The following DLGAP2 variants were observed in gnomAD, a reference collection of about 807,000 sequenced individuals.
DLGAP2 encodes the protein DLG associated protein 2.
In DLGAP2, 26 loss-of-function variants were observed where a neutral mutation model predicts 100.3. The ratio of observed to expected loss-of-function variants is 0.26; its 90% CI spans 0.19 to 0.36. DLGAP2 has a LOEUF of 0.36. DLGAP2 is among the 10% of genes least tolerant of loss of function. The pLI is 1.00. For missense variants in DLGAP2, 1,858 were observed against 1,453.2 expected (o/e 1.28, Z -4.53); for synonymous variants, 886 against 630.1 (o/e 1.41, Z -6.08).
intron 2 of DLGAP2, among the ~76,000 whole-genome samples, chr8:1,108,806 T>C (rs1409591874): frequency 4.2e-5 from 5 of 118,084 alleles, no homozygotes; most frequent in East Asian, 5.9e-4. Flanking sequence ...GAGGTGTGAA[T>C]GTGTCTATGA....
intron 12 of DLGAP2, among the ~76,000 whole-genome samples, chr8:1,689,556 G>GGCTA (rs1482742341): frequency 4.6e-5 from 7 of 152,198 alleles, no homozygotes; most frequent in Admixed American, 6.5e-5. Flanking sequence ...AGAAAGGGCT[G>GGCTA]GGCTAGTTAA....
intron 2 of DLGAP2, among the ~76,000 whole-genome samples, chr8:1,113,396 C>A (rs952501467): frequency 5.4e-4 from 82 of 152,282 alleles, no homozygotes; most frequent in African/African-American, 1.9e-3. Context: ...TGGTAATTCT[C>A]ATTGAAGAGA....
chr8:1,061,480 T>C (rs17065655), intron 2 of DLGAP2, among the ~76,000 whole-genome samples: 9,332 of 152,146 alleles, frequency 0.061, 895 homozygotes, highest in African/African-American at 0.21. Flanking sequence ...GCCCATGAGC[T>C]GTGGAAGGAT....
intron 3 of DLGAP2, among the ~76,000 whole-genome samples, chr8:1,413,148 A>T (rs1313271756): frequency 2.0e-5 from 3 of 151,966 alleles, no homozygotes; most frequent in Non-Finnish European, 4.4e-5. Context: ...TGTGTTTTCT[A>T]CTGGACAGTG....
rs1047367477 is a variant in DLGAP2 at position 1,704,243 on chromosome 8, G to A, written c.*2837G>A. On this transcript the variant is annotated 3_prime_UTR_variant, in exon 15 of 15. Coordinates refer to ENST00000637795, the MANE Select transcript of DLGAP2 (RefSeq NM_001346810.2). ...AGAGTAAACATCCATTGGAGAACAC[G>A]GCTGAAAATTATTGTGCTGTTCTAG... 26 of 152,318 alleles carry A rather than the reference G, an allele frequency of 1.7e-4. No individual in the cohort carries two copies. The highest frequency in any genetic ancestry group is 2.2e-4 in the Non-Finnish European group (15 of 68,020). 9.4% of individuals were successfully genotyped at this position (152,318 alleles called of 1,614,324 possible).
rs118162673 is a variant in DLGAP2 at position 805,287 on chromosome 8, A to G, written c.18+67462A>G. On this transcript the variant is annotated intron_variant, in intron 1 of 14. Coordinates refer to ENST00000637795, the MANE Select transcript of DLGAP2 (RefSeq NM_001346810.2). Reference sequence around the variant, plus strand: ...CTCCATGACCATATATCCTTCCTAAATTATTTCATTTCTTCTGGATGGTTT... The same window carrying G: ...CTCCATGACCATATATCCTTCCTAAGTTATTTCATTTCTTCTGGATGGTTT... 4.5e-3 allele frequency among the ~76,000 whole-genome samples: 687 copies of G among 152,204 alleles called. 1 individual carries two copies. The highest frequency in any genetic ancestry group is 7.3e-3 in the Non-Finnish European group (499 of 68,010).
At chr8:1,079,684 G>A (rs1384161208) in intron 2 of DLGAP2, among the ~76,000 whole-genome samples, 1 of 152,192 alleles carries the variant, frequency 6.6e-6, no homozygotes, top group African/African-American at 2.4e-5. Flanking sequence ...ATTAAAATAT[G>A]ATTCATAGAT....
chr8:1,563,824 T>C (rs1470983221), intron 5 of DLGAP2, among the ~76,000 whole-genome samples: 5 of 152,154 alleles, frequency 3.3e-5, no homozygotes, highest in Non-Finnish European at 5.9e-5. Flanking sequence ...CGCAGATCCC[T>C]GCTGGTAGTG....
intron 6 of DLGAP2, among the ~76,000 whole-genome samples, chr8:1,573,651 G>A (rs1182654528): frequency 6.6e-6 from 1 of 152,106 alleles, no homozygotes; most frequent in Non-Finnish European, 1.5e-5. Flanking sequence ...CCAAATGCAG[G>A]TAAACTAACA....
At position 993,454 on chromosome 8, in the gene DLGAP2, C is replaced by T. The variant is rs867462008; in HGVS notation, c.73+85488C>T. 3.2e-4 allele frequency among the ~76,000 whole-genome samples: 16 copies of T among 50,650 alleles called. 3 individuals are homozygous for T. The highest frequency in any genetic ancestry group is 8.9e-4 in the East Asian group (2 of 2,244). 33.2% of individuals were successfully genotyped at this position (50,650 alleles called of 152,430 possible). ...CCCACCTTGCCCAGACCCCCTGCACCCCCATACTCGGAGTTCCTGTTCTTC... is the reference window on the plus strand; with the variant it reads ...CCCACCTTGCCCAGACCCCCTGCACTCCCATACTCGGAGTTCCTGTTCTTC... On this transcript the variant is annotated intron_variant, in intron 2 of 14. Coordinates refer to ENST00000637795, the MANE Select transcript of DLGAP2 (RefSeq NM_001346810.2).
Position 1,239,845 on chromosome 8 carries a change from G to A in DLGAP2, c.74-19006G>A, listed in dbSNP as rs868028733. On this transcript the variant is annotated intron_variant, in intron 2 of 14. Transcript: ENST00000637795. ...TGTCTAGTTCTCTCTCGCACATAGCGTCATGTCTAGTTCTCTCTCACATGG... is the reference window on the plus strand; with the variant it reads ...TGTCTAGTTCTCTCTCGCACATAGCATCATGTCTAGTTCTCTCTCACATGG... Among the ~76,000 whole-genome samples the A allele has an allele frequency of 1.0e-4, 5 of 47,700 alleles. No individual in the cohort carries two copies. The South Asian group carries it at 3.9e-3, about 37-fold the overall frequency. 31.3% of individuals were successfully genotyped at this position (47,700 alleles called of 152,430 possible).
chr8:958,624 T>C (rs1584924355), intron 2 of DLGAP2, among the ~76,000 whole-genome samples: 1 of 146,166 alleles, frequency 6.8e-6, no homozygotes, highest in Admixed American at 6.9e-5. Flanking sequence ...GGGATGTTAA[T>C]GATGGGAAAG....
intron 2 of DLGAP2, among the ~76,000 whole-genome samples, chr8:919,157 C>A (rs572767119): frequency 6.6e-4 from 101 of 152,246 alleles, no homozygotes; most frequent in African/African-American, 2.3e-3. Flanking sequence ...TCTAAAAATA[C>A]ATTATTATTT....
At chr8:1,362,449 G>A (rs905693524) in intron 3 of DLGAP2, among the ~76,000 whole-genome samples, 7 of 152,158 alleles carry the variant, frequency 4.6e-5, no homozygotes, top group East Asian at 3.9e-4. Context: ...GGTAAGGGCT[G>A]GCGTGGTCCA....
chr8:1,260,081 G>C (rs1799315361), intron 3 of DLGAP2, among the ~76,000 whole-genome samples: 1 of 152,068 alleles, frequency 6.6e-6, no homozygotes, highest in Non-Finnish European at 1.5e-5. Context: ...TTCCCGGGTG[G>C]AGCCTGGGAT....
chr8:1,435,294 C>T (rs995120236), intron 3 of DLGAP2, among the ~76,000 whole-genome samples: 2 of 152,164 alleles, frequency 1.3e-5, no homozygotes, highest in Admixed American at 6.5e-5. Context: ...TGCCATCCAT[C>T]GGAAGCAGGC....
rs966899217 is a variant in DLGAP2, at chr8:1,010,316, CACAT to C, written c.73+102354_73+102357del. Among the ~76,000 whole-genome samples, 26 of 152,056 alleles carry C rather than the reference CACAT, an allele frequency of 1.7e-4. 1 individual carries two copies. Among genetic ancestry groups the C allele is most frequent in the Admixed American group, 9.8e-4 (15 of 15,260 alleles). ...TACACTCAGATATCAGTTTTATACA[CACAT>C]ACACACATGTGCCCACATATGCACA... On this transcript the variant is annotated intron_variant, in intron 2 of 14. Transcript: ENST00000637795.
At position 1,594,064 on chromosome 8, in the gene DLGAP2, C is replaced by T. The variant is rs185399270; in HGVS notation, c.1442+28170C>T. On this transcript the variant is annotated intron_variant, in intron 6 of 14. Coordinates refer to ENST00000637795, the MANE Select transcript of DLGAP2 (RefSeq NM_001346810.2). ...CCCTGATTCAGGCAGAGCAAACAGGCGAAAACCACAGCTACCTTCTTCTCT... is the reference window on the plus strand; with the variant it reads ...CCCTGATTCAGGCAGAGCAAACAGGTGAAAACCACAGCTACCTTCTTCTCT... 3.3e-5 allele frequency among the ~76,000 whole-genome samples: 5 copies of T among 152,220 alleles called. No homozygotes were observed. The East Asian group carries it at 5.8e-4, about 18-fold the overall frequency.
At chr8:997,932 A>C (rs1800829748) in intron 2 of DLGAP2, among the ~76,000 whole-genome samples, 1 of 152,052 alleles carries the variant, frequency 6.6e-6, no homozygotes, top group Non-Finnish European at 1.5e-5. Flanking sequence ...ACACACACCC[A>C]TGCATACAGA....
Sources: allele counts gnomAD v4.1 joint callset (sites outside exome capture counted in the v4.1 genomes callset), GRCh38; gene constraint gnomAD v4.1.1; transcripts MANE v1.5; gene names NCBI Gene and HGNC (gene_info 2026-07-23, HGNC 2026-07-21).